GTF2I: variants seen among roughly 807,000 people sequenced by gnomAD.
GTF2I encodes the protein general transcription factor II-I.
A neutral mutation model predicts 67.6 loss-of-function variants in GTF2I; 12 were observed. The observed-to-expected ratio is 0.18, with a 90% CI of 0.11 to 0.29. The LOEUF (loss-of-function observed/expected upper bound fraction) is 0.29, where lower values mean the gene tolerates loss of function less well. Among genes scored for constraint, GTF2I ranks in the 10% least tolerant of loss-of-function variants. The pLI is 1.00. For missense variants in GTF2I, 271 were observed against 580.1 expected, an observed-to-expected ratio of 0.47 and a Z score of 5.47; for synonymous variants, 149 against 197.0, an observed-to-expected ratio of 0.76 and a Z score of 2.04.
At chr7:74,674,382 T>G (rs2131229391) in intron 1 of GTF2I, among the ~76,000 whole-genome samples, 1 of 152,250 alleles carries the variant, frequency 6.6e-6, no homozygotes, top group African/African-American at 2.4e-5. Flanking sequence ...ACTTTTAAAC[T>G]TAGAAAATAG....
At chr7:74,660,604 C>A (rs1303045831) in intron 1 of GTF2I, among the ~76,000 whole-genome samples, 1 of 148,716 alleles carries the variant, frequency 6.7e-6, no homozygotes, top group Non-Finnish European at 1.5e-5. Flanking sequence ...TTTTCCTTTT[C>A]CTTTTTCTTT....
intron 10 of GTF2I, among the ~76,000 whole-genome samples, chr7:74,715,381 G>A (rs1554403430): frequency 6.6e-6 from 1 of 151,926 alleles, no homozygotes; most frequent in African/African-American, 2.4e-5. Flanking sequence ...TATTAGTAAT[G>A]GCATTTACTT....
At position 74,706,376 on chromosome 7, in the gene GTF2I, T is replaced by G. The variant is rs587653629; in HGVS notation, c.642-14T>G. The G allele has an allele frequency of 6.2e-7, 1 of 1,612,942 alleles. No individual in the cohort carries two copies. Among genetic ancestry groups the G allele is most frequent in the South Asian group, 1.1e-5 (1 of 90,974 alleles). On this transcript the variant is annotated splice_polypyrimidine_tract_variant and intron_variant, in intron 7 of 34. Coordinates refer to ENST00000573035, the MANE Select transcript of GTF2I (RefSeq NM_032999.4). Reference sequence around the variant, plus strand: ...CCAGCACGTGGCTTGATCAGGGCTTTCTTCTCCTTGCAGTTGTGGCCCCAT... The same window carrying G: ...CCAGCACGTGGCTTGATCAGGGCTTGCTTCTCCTTGCAGTTGTGGCCCCAT...
chr7:74,680,135 TACACATATATATATGTATGTATATAC>T (rs1554393735), intron 1 of GTF2I, among the ~76,000 whole-genome samples: 1 of 134,288 alleles, frequency 7.4e-6, no homozygotes, highest in Admixed American at 7.8e-5. Flanking sequence ...TGTATGTATA[TACACATATATATATGTATGTATATAC>T]ACACATATAT....
chr7:74,701,407 G>T (rs1352562845), intron 6 of GTF2I, among the ~76,000 whole-genome samples: 1 of 151,948 alleles, frequency 6.6e-6, no homozygotes, highest in Non-Finnish European at 1.5e-5. Context: ...GTGGTGAAAA[G>T]ATTAATTTTT....
chr7:74,665,516 G>C (rs1022016619), intron 1 of GTF2I, among the ~76,000 whole-genome samples: 1 of 152,002 alleles, frequency 6.6e-6, no homozygotes, highest in African/African-American at 2.4e-5. Flanking sequence ...CCTCTCAAAG[G>C]CTGGGATTAC....
At chr7:74,717,040 T>G in intron 11 of GTF2I, 90 bp downstream of exon 11, 1 of 1,498,554 alleles carries the variant, frequency 6.7e-7, no homozygotes, top group Non-Finnish European at 9.0e-7. Context: ...ACACCTTATT[T>G]GGAAATAAAA....
intron 1 of GTF2I, among the ~76,000 whole-genome samples, chr7:74,667,579 G>T (rs1805089908): frequency 6.6e-6 from 1 of 151,462 alleles, no homozygotes; most frequent in Non-Finnish European, 1.5e-5. Flanking sequence ...GCAGTGGTAT[G>T]CTTTTGGCTC....
At chr7:74,735,582 T>G (rs1794791944) in intron 17 of GTF2I, 50 bp downstream of exon 17, 1 of 324,284 alleles carries the variant, frequency 3.1e-6, no homozygotes, top group African/African-American at 2.9e-5. Context: ...TATTACTGAG[T>G]AACATTTTTT....
In GTF2I at chr7:74,685,575, T is replaced by C. The variant is rs587624765; in HGVS notation, c.-5-3549T>C. The stretch of plus-strand genomic sequence containing the variant: ...TGAAGTCAGAAGTTCCAGACCAGCC[T>C]GGCCAACATGGCGAAACTCCATCTC... On this transcript the variant is annotated intron_variant, in intron 1 of 34. Coordinates refer to ENST00000573035, the MANE Select transcript of GTF2I (RefSeq NM_032999.4). 9.2e-5 allele frequency among the ~76,000 whole-genome samples: 14 copies of C among 152,204 alleles called. No individual in the cohort carries two copies. The South Asian group carries it at 2.9e-3, about 32-fold the overall frequency.
At position 74,698,941 on chromosome 7, in the gene GTF2I, A is replaced by T. The variant is rs1789354332; in HGVS notation, c.239-20A>T. Reference sequence around the variant, plus strand: ...GACCTTATTATTATTTTTTTATTTTATTTTTTATTTTTTTTACAGGTGTTG... The same window carrying T: ...GACCTTATTATTATTTTTTTATTTTTTTTTTTATTTTTTTTACAGGTGTTG... On this transcript the variant is annotated intron_variant, in intron 3 of 34. Transcript: ENST00000573035. 1.7e-6 allele frequency: 2 copies of T among 1,192,070 alleles called. No individual in the cohort carries two copies. The highest frequency in any genetic ancestry group is 3.5e-5 in the Admixed American group (1 of 28,608). The allele number at this position is 1,192,070 out of a possible 1,614,324, so 73.8% of individuals were successfully genotyped here. A position where few individuals can be genotyped will look rare whatever the true frequency, so the allele number is the denominator to read the frequency against.
intron 3 of GTF2I, among the ~76,000 whole-genome samples, chr7:74,691,429 C>A (rs1300428469): frequency 6.6e-6 from 1 of 152,212 alleles, no homozygotes; most frequent in African/African-American, 2.4e-5. Context: ...TGGTCTCAAA[C>A]TCCCGACCTC....
At chr7:74,695,782 A>G (rs1554398196) in intron 3 of GTF2I, among the ~76,000 whole-genome samples, 1 of 151,908 alleles carries the variant, frequency 6.6e-6, no homozygotes. Context: ...GTTTCTTTAT[A>G]CTAATAATGC....
chr7:74,673,711 T>G (rs1267501815), intron 1 of GTF2I, among the ~76,000 whole-genome samples: 1 of 138,492 alleles, frequency 7.2e-6, no homozygotes, highest in Non-Finnish European at 1.5e-5. Flanking sequence ...GAGACCAGTC[T>G]TGCTCTGTCG....
intron 7 of GTF2I, 39 bp from the exon 8 acceptor site, chr7:74,706,351 C>G: frequency 3.8e-6 from 6 of 1,586,796 alleles, no homozygotes; most frequent in Non-Finnish European, 5.2e-6. Flanking sequence ...ATGGCTGTCA[C>G]CAGCACGTGG....
At chr7:74,711,171 CTCA>C (rs1275641757) in intron 9 of GTF2I, 62 bp downstream of exon 9, 35 of 710,726 alleles carry the variant, frequency 4.9e-5, no homozygotes, top group Non-Finnish European at 7.6e-5. Context: ...TTAAAATTTG[CTCA>C]TCAATTGCTT....
rs1274803721 is a variant in GTF2I at position 74,705,226 on chromosome 7, C to T, written c.641+8C>T. The T allele has an allele frequency of 1.3e-6, 2 of 1,545,520 alleles. No homozygotes were observed. Among genetic ancestry groups the T allele is most frequent in the Non-Finnish European group, 1.8e-6 (2 of 1,118,286 alleles). Reference sequence around the variant, plus strand: ...ACTATCTCCAGGTGGAAGGTAAAACCTAATTTCATTACTGCTGTTTAACTC... The same window carrying T: ...ACTATCTCCAGGTGGAAGGTAAAACTTAATTTCATTACTGCTGTTTAACTC... On this transcript the variant is annotated splice_region_variant and intron_variant, in intron 7 of 34. Transcript: ENST00000573035.
intron 1 of GTF2I, among the ~76,000 whole-genome samples, chr7:74,665,763 T>A (rs1804920959): frequency 6.6e-6 from 1 of 152,246 alleles, no homozygotes; most frequent in Non-Finnish European, 1.5e-5. Context: ...CCAAGAACTC[T>A]GGAGAATATG....
rs146311512 is a variant in GTF2I, at chr7:74,724,085, A to G, written c.944-4701A>G. On this transcript the variant is annotated intron_variant, in intron 12 of 34. Coordinates refer to ENST00000573035, the MANE Select transcript of GTF2I (RefSeq NM_032999.4). ...CTTAAATGTCTCTGCAGCACTTTTA[A>G]AATGGACATAATTGCTTAGGTTAGC... Among the ~76,000 whole-genome samples the G allele has an allele frequency of 4.7e-3, 719 of 152,338 alleles. 23 individuals are homozygous for G. The highest frequency in any genetic ancestry group is 0.038 in the Admixed American group (588 of 15,298).
Sources: allele counts gnomAD v4.1 joint callset (sites outside exome capture counted in the v4.1 genomes callset), GRCh38; gene constraint gnomAD v4.1.1; transcripts MANE v1.5; gene names NCBI Gene and HGNC (gene_info 2026-07-23, HGNC 2026-07-21).